Variants in NBR1 observed in about 807,000 individuals in gnomAD.
NBR1 encodes next to BRCA1 gene 1 protein.
NBR1 carries 59 observed loss-of-function variants against 115.5 expected under a neutral mutation model. The observed-to-expected ratio is 0.51, with a 90% confidence interval of 0.41 to 0.63. The LOEUF (loss-of-function observed/expected upper bound fraction) is 0.63. NBR1 is among the 30% of genes least tolerant of loss of function. The pLI is 0.00. For missense variants in NBR1, 1,043 were observed against 1,150.5 expected (o/e 0.91, Z 1.35); for synonymous variants, 373 against 414.7 (o/e 0.90, Z 1.22).
intron 12 of NBR1, among the ~76,000 whole-genome samples, 185 bp from the exon 13 acceptor site, chr17:43,194,165 A>C (rs1387168576): frequency 1.3e-5 from 2 of 152,214 alleles, no homozygotes; most frequent in Admixed American, 6.5e-5. Flanking sequence ...CATTAGGGGA[A>C]GCTGGGGAAT....
intron 3 of NBR1, 103 bp from the exon 4 acceptor site, chr17:43,179,291 C>A: frequency 9.7e-7 from 1 of 1,032,908 alleles, no homozygotes; most frequent in Non-Finnish European, 1.5e-6. Context: ...AAGCTGAACG[C>A]TTGGCCTGAG....
chr17:43,200,867 GTT>G (rs556106085), intron 17 of NBR1, among the ~76,000 whole-genome samples: 11 of 123,624 alleles, frequency 8.9e-5, no homozygotes, highest in Admixed American at 1.7e-4. Flanking sequence ...AGCTGGTTGT[GTT>G]TTTTTTTTTT....
At chr17:43,188,311 G>T (rs2056866745) in intron 6 of NBR1, among the ~76,000 whole-genome samples, 1 of 152,070 alleles carries the variant, frequency 6.6e-6, no homozygotes, top group Non-Finnish European at 1.5e-5. Flanking sequence ...TGATGGGGTT[G>T]TTTTTTTCTT....
Position 43,180,828 on chromosome 17 carries a change from T to G in NBR1, c.207+11T>G. On this transcript the variant is annotated intron_variant, in intron 5 of 20. Coordinates refer to ENST00000590996, the MANE Select transcript of NBR1 (RefSeq NM_005899.5). ...GAAGAAGCGCTTAAGGTAATGATTA[T>G]TTAATCTCATTTTTAAATAATTTAA... 7.0e-7 allele frequency: 1 copy of G among 1,424,712 alleles called. No individual in the cohort carries two copies. Among genetic ancestry groups the G allele is most frequent in the Non-Finnish European group, 9.2e-7 (1 of 1,083,936 alleles). The allele number at this position is 1,424,712 out of a possible 1,614,324, so 88.3% of individuals were successfully genotyped here.
At chr17:43,182,845 C>A (rs1359974470) in intron 5 of NBR1, among the ~76,000 whole-genome samples, 2 of 151,556 alleles carry the variant, frequency 1.3e-5, no homozygotes, top group Admixed American at 6.6e-5. Context: ...CTACCAGCAG[C>A]CTACACCTCC....
At chr17:43,177,310 TTCTTA>T (rs2056542346) in intron 2 of NBR1, among the ~76,000 whole-genome samples, 1 of 150,108 alleles carries the variant, frequency 6.7e-6, no homozygotes, top group South Asian at 2.1e-4. Context: ...TTTTTTTTTT[TTCTTA>T]TCTTGAAACT....
At chr17:43,205,130 C>T (rs1220276531) in intron 20 of NBR1, among the ~76,000 whole-genome samples, 3 of 151,714 alleles carry the variant, frequency 2.0e-5, no homozygotes, top group Non-Finnish European at 4.4e-5. Flanking sequence ...CTGAGGCGGG[C>T]GGATCGTGAG....
rs1170987571 is a variant in NBR1, at chr17:43,189,086, G to A, written c.447G>A (p.Lys149=). 2 of 1,609,878 alleles carry A rather than the reference G, an allele frequency of 1.2e-6. No homozygotes were observed. Among genetic ancestry groups the A allele is most frequent in the Non-Finnish European group, 8.5e-7 (1 of 1,177,570 alleles). The change falls in exon 7 of 21, where the codon AAG becomes AAA. Residue 149 remains lysine (K), a synonymous_variant. Transcript: ENST00000590996. ...GTGACACAGACCAGCCTCAAGACAAGCCCCCAGACTGGTTCACAAGCTACC... is the reference window on the plus strand; with the variant it reads ...GTGACACAGACCAGCCTCAAGACAAACCCCCAGACTGGTTCACAAGCTACC... The part of the protein sequence containing the change: ...VPCDTDQPQD[K]PPDWFTSYLE...
chr17:43,191,679 C>T (rs1233553636), intron 10 of NBR1, 98 bp downstream of exon 10: 1 of 746,750 alleles, frequency 1.3e-6, no homozygotes, highest in Non-Finnish European at 2.2e-6. Flanking sequence ...TAGCCCTTAA[C>T]ACCTAAATCT....
rs142510229 is a variant in NBR1, at chr17:43,209,907, A to G, written c.2734A>G (p.Ile912Val). 1.7e-3 allele frequency: 2,606 copies of G among 1,539,166 alleles called. 33 individuals are homozygous for G. In the African/African-American group the frequency reaches 0.032, roughly 19 times the overall value. The change falls in exon 21 of 21, where the codon ATT (isoleucine) becomes GTT (valine). Residue 912 changes from isoleucine to valine, a missense_variant. Ile to Val is a conservative substitution (Grantham distance 29). Coordinates refer to ENST00000590996, the MANE Select transcript of NBR1 (RefSeq NM_005899.5). ...AGPPVTAQPI[I>V]SEDQTAALMA... is the part of the protein sequence containing the mutation. The stretch of plus-strand genomic sequence containing the variant: ...TTTGCTTGTCTCTACACAGCCAATA[A>G]TTTCTGAAGATCAGACAGCAGCCCT...
At chr17:43,183,142 C>T (rs1157807164) in intron 5 of NBR1, among the ~76,000 whole-genome samples, 1 of 151,690 alleles carries the variant, frequency 6.6e-6, no homozygotes, top group Non-Finnish European at 1.5e-5. Context: ...ACCCATCCAC[C>T]TCAGCCTCCC....
At chr17:43,183,860 A>G (rs1268390537) in intron 5 of NBR1, among the ~76,000 whole-genome samples, 1 of 151,766 alleles carries the variant, frequency 6.6e-6, no homozygotes, top group African/African-American at 2.4e-5. Context: ...GGGCTTCGCT[A>G]TGTTGGCCAG....
At chr17:43,206,163 G>A (rs2057312326) in intron 20 of NBR1, among the ~76,000 whole-genome samples, 1 of 148,510 alleles carries the variant, frequency 6.7e-6, no homozygotes. Flanking sequence ...GTGACAGAGC[G>A]AGACTCTGTC....
Position 43,194,299 on chromosome 17 carries a change from C to T in NBR1, c.1525-51C>T, listed in dbSNP as rs376391876. Reference sequence around the variant, plus strand: ...TTTTGGGGGCATTGTCAGCCTGCCTCTTCAGTTCTGTTGAAGGCCTAAAAT... The same window carrying T: ...TTTTGGGGGCATTGTCAGCCTGCCTTTTCAGTTCTGTTGAAGGCCTAAAAT... On this transcript the variant is annotated intron_variant, in intron 12 of 20. Coordinates refer to ENST00000590996, the MANE Select transcript of NBR1 (RefSeq NM_005899.5). 1.1e-4 allele frequency: 162 copies of T among 1,527,410 alleles called. No individual in the cohort carries two copies. In the African/African-American group the frequency reaches 1.8e-3, roughly 17 times the overall value. 94.6% of individuals were successfully genotyped at this position (1,527,410 alleles called of 1,614,324 possible).
Position 43,203,770 on chromosome 17 carries a change from CA to C in NBR1, c.2712del (p.Pro905GlnfsTer7), listed in dbSNP as rs760237095. On this transcript the variant is annotated frameshift_variant, in exon 20 of 21. Transcript: ENST00000590996. LOFTEE classifies it high-confidence loss of function. Reference protein sequence around the residue: ...ASAYKALFAGPPVTAQPIISE... With the variant: ...ASAYKALFAGXPVTAQPIISE... ...GCATACAAGGCCCTGTTTGCTGGGCCACCAGTCACTGCACAGGTCAGTGTGT... is the reference window on the plus strand; with the variant it reads ...GCATACAAGGCCCTGTTTGCTGGGCCCCAGTCACTGCACAGGTCAGTGTGT... 6.3e-7 allele frequency: 1 copy of C among 1,597,166 alleles called. No homozygotes were observed.
At chr17:43,194,806 C>G (rs953895849) in intron 13 of NBR1, 158 bp from the exon 14 acceptor site, 1 of 649,952 alleles carries the variant, frequency 1.5e-6, no homozygotes. Context: ...ATTTCAACAT[C>G]TAATTCCCAT....
chr17:43,175,085 G>A (rs544080424), intron 1 of NBR1, among the ~76,000 whole-genome samples: 5 of 152,238 alleles, frequency 3.3e-5, no homozygotes, highest in Admixed American at 6.5e-5. Context: ...GGGCGATAGA[G>A]CGAGACTCCG....
chr17:43,170,776 G>A (rs539812909), upstream of NBR1: 1 of 152,350 alleles, frequency 6.6e-6, no homozygotes, highest in African/African-American at 2.4e-5. Context: ...CCAGTGGATA[G>A]ATTGGAGACC....
chr17:43,181,615 G>C (rs147933938), intron 5 of NBR1, among the ~76,000 whole-genome samples: 4,868 of 152,152 alleles, frequency 0.032, 278 homozygotes, highest in African/African-American at 0.11. Context: ...GCAGTGAGCC[G>C]AGATCGTGCC....
Sources: allele counts gnomAD v4.1 joint callset (sites outside exome capture counted in the v4.1 genomes callset), GRCh38; gene constraint gnomAD v4.1.1; transcripts MANE v1.5; gene names NCBI Gene and HGNC (gene_info 2026-07-23, HGNC 2026-07-21).